Variants in KAT6B observed in about 807,000 individuals in gnomAD.
The protein encoded by KAT6B is lysine acetyltransferase 6B, also known as histone acetyltransferase KAT6B.
KAT6B carries 10 observed loss-of-function variants against 187.5 expected under a neutral mutation model. That is an observed-to-expected ratio of 0.05 (90% CI 0.03 to 0.09). The LOEUF (loss-of-function observed/expected upper bound fraction) is 0.09, where lower values mean the gene tolerates loss of function less well. Among genes scored for constraint, KAT6B ranks in the 10% least tolerant of loss-of-function variants. KAT6B has a pLI of 1.00. For synonymous variants in KAT6B, 861 were observed against 926.8 expected (o/e 0.93, Z 1.29); for missense variants, 1,952 against 2,558.9 (o/e 0.76, Z 5.12).
chr10:75,016,720 A>G (rs568816998), intron 13 of KAT6B, among the ~76,000 whole-genome samples: 2 of 152,350 alleles, frequency 1.3e-5, no homozygotes, highest in African/African-American at 4.8e-5. Flanking sequence ...AGGTTTCTCC[A>G]GGGAGAGCTG....
Position 74,976,204 on chromosome 10 carries a change from A to G in KAT6B, c.1867A>G (p.Thr623Ala). Residue 623 changes from threonine (T) to alanine (A), a missense_variant, in exon 8 of 18, where the codon ACA becomes GCA. Physicochemically the swap from Thr to Ala is moderately conservative, Grantham distance 58. Coordinates refer to ENST00000287239, the MANE Select transcript of KAT6B (RefSeq NM_012330.4). ...IFKAIAHFKR[T>A]TFLKKHRMLG... is the part of the protein sequence containing the mutation. ...TAAAGCAATTGCTCACTTCAAGCGA[A>G]CAACTTTCCTTAAAAAGCACAGGAT... 6.2e-7 allele frequency: 1 copy of G among 1,614,180 alleles called. No homozygotes were observed. The highest frequency in any genetic ancestry group is 8.5e-7 in the Non-Finnish European group (1 of 1,180,018).
intron 3 of KAT6B, among the ~76,000 whole-genome samples, chr10:74,847,217 T>A (rs1225184356): frequency 6.6e-6 from 1 of 152,242 alleles, no homozygotes; most frequent in Non-Finnish European, 1.5e-5. Flanking sequence ...CATGCTATAA[T>A]GAGGAAAGCT....
intron 1 of KAT6B, among the ~76,000 whole-genome samples, chr10:74,829,539 A>G (rs1318150003): frequency 6.8e-6 from 1 of 147,864 alleles, no homozygotes; most frequent in East Asian, 2.0e-4. Context: ...TGCAACCTCC[A>G]CCTCCTGGAT....
chr10:74,828,023 C>A (rs1458859306), intron 1 of KAT6B, among the ~76,000 whole-genome samples: 4 of 152,002 alleles, frequency 2.6e-5, no homozygotes, highest in Admixed American at 2.6e-4. Flanking sequence ...AGCAGGGTAT[C>A]CCAGGAAGAG....
At chr10:74,989,188 T>C in intron 13 of KAT6B, 76 bp downstream of exon 13, 2 of 1,018,696 alleles carry the variant, frequency 2.0e-6, no homozygotes, top group Non-Finnish European at 3.1e-6. Flanking sequence ...AATATAAAAC[T>C]TTATTTAACC....
intron 3 of KAT6B, among the ~76,000 whole-genome samples, chr10:74,898,094 A>T: frequency 6.6e-6 from 1 of 152,226 alleles, no homozygotes. Context: ...TTAAAAAAAA[A>T]ACAGCAACAA....
Position 75,022,147 on chromosome 10 carries a change from G to A in KAT6B, c.3288G>A (p.Glu1096=), listed in dbSNP as rs12240773. 2 of 1,605,888 alleles carry A rather than the reference G, an allele frequency of 1.2e-6. No homozygotes were observed. Among genetic ancestry groups the A allele is most frequent in the Non-Finnish European group, 1.7e-6 (2 of 1,175,262 alleles). The change falls in exon 16 of 18, where the codon GAG becomes GAA. Residue 1096 remains glutamate (E), a synonymous_variant. Transcript: ENST00000287239. ...AAGAGGATGAAGAGGAGGAAGAAGAGGAAGAAGAAGAAGAAGAAGAAGAAA... is the reference window on the plus strand; with the variant it reads ...AAGAGGATGAAGAGGAGGAAGAAGAAGAAGAAGAAGAAGAAGAAGAAGAAA... The part of the protein sequence containing the change: ...EEEEDEEEEE[E]EEEEEEEENI...
chr10:74,847,087 G>T (rs929893959), intron 3 of KAT6B, among the ~76,000 whole-genome samples: 1 of 152,108 alleles, frequency 6.6e-6, no homozygotes, highest in East Asian at 1.9e-4. Flanking sequence ...AGTATTTTTA[G>T]TCTAAAGGAA....
chr10:74,899,290 T>TA (rs1846215955), intron 3 of KAT6B, among the ~76,000 whole-genome samples: 5 of 147,180 alleles, frequency 3.4e-5, no homozygotes, highest in Non-Finnish European at 7.4e-5. Context: ...TTATTATTAT[T>TA]TGAGACGGAG....
At chr10:74,977,192 T>A in intron 8 of KAT6B, 124 bp from the exon 9 acceptor site, 1 of 965,258 alleles carries the variant, frequency 1.0e-6, no homozygotes, top group Non-Finnish European at 1.6e-6. Context: ...AAAAGCTTAT[T>A]TATAAAGCTT....
At chr10:74,975,364 T>C (rs1420965882) in intron 7 of KAT6B, 35 bp from the exon 8 acceptor site, 1 of 1,565,534 alleles carries the variant, frequency 6.4e-7, no homozygotes, top group South Asian at 1.1e-5. Flanking sequence ...TTCTATTTAT[T>C]AAATGCTGAT....
chr10:74,933,417 A>G (rs565984695), intron 3 of KAT6B, among the ~76,000 whole-genome samples: 4 of 152,246 alleles, frequency 2.6e-5, no homozygotes, highest in East Asian at 3.9e-4. Context: ...ATGGGTTTTG[A>G]GTTTGAGTAG....
At chr10:74,934,553 C>T (rs1336461827) in intron 3 of KAT6B, among the ~76,000 whole-genome samples, 2 of 152,142 alleles carry the variant, frequency 1.3e-5, no homozygotes, top group Non-Finnish European at 2.9e-5. Context: ...TGGCTGTTCA[C>T]GCCACACATC....
At position 74,842,923 on chromosome 10, in the gene KAT6B, G is replaced by C. The variant is rs748479485; in HGVS notation, c.66G>C (p.Lys22Asn). ...WILEAIQKIK[K>N]QKQRPSEERI... ...TTGAAGCTATACAGAAAATAAAAAA[G>C]CAAAAGCAAAGGCCCTCTGAAGAGA... The change falls in exon 3 of 18, where the codon AAG becomes AAC. Residue 22 changes from lysine to asparagine, a missense_variant. This residue lies in a region of KAT6B where 218 missense variants were observed against 282.6 expected (regional missense o/e 0.77). Transcript: ENST00000287239. 2 of 1,613,996 alleles carry C rather than the reference G, an allele frequency of 1.2e-6. No homozygotes were observed. Among genetic ancestry groups the C allele is most frequent in the African/African-American group, 2.7e-5 (2 of 74,906 alleles).
chr10:74,977,425 A>G lies in KAT6B; in HGVS notation c.2103A>G (p.Glu701=), dbSNP rs1485295625. Reference sequence around the variant, plus strand: ...TGGATGTTTTTAAGCAGGCCCAGGAACTTTCTTGGGAGGTAAGGCGAGGAT... The same window carrying G: ...TGGATGTTTTTAAGCAGGCCCAGGAGCTTTCTTGGGAGGTAAGGCGAGGAT... ...EDLDVFKQAQ[E]LSWEKIECES... Residue 701 remains glutamate (E), a synonymous_variant, in exon 9 of 18, where the codon GAA becomes GAG. Coordinates refer to ENST00000287239, the MANE Select transcript of KAT6B (RefSeq NM_012330.4). The G allele has an allele frequency of 1.2e-6, 2 of 1,613,720 alleles. No individual in the cohort carries two copies. The highest frequency in any genetic ancestry group is 1.7e-6 in the Non-Finnish European group (2 of 1,179,796).
chr10:75,003,938 A>G (rs1037495836), intron 13 of KAT6B, among the ~76,000 whole-genome samples: 4 of 152,222 alleles, frequency 2.6e-5, no homozygotes, highest in African/African-American at 9.7e-5. Context: ...CATTGCCTCA[A>G]TGAAAACATT....
chr10:74,959,597 C>T (rs2133512883), intron 3 of KAT6B, among the ~76,000 whole-genome samples: 1 of 152,254 alleles, frequency 6.6e-6, no homozygotes, highest in East Asian at 1.9e-4. Context: ...CGAGACCATC[C>T]TGGCCAACAT....
At chr10:74,858,200 C>G (rs911761711) in intron 3 of KAT6B, among the ~76,000 whole-genome samples, 3 of 151,692 alleles carry the variant, frequency 2.0e-5, no homozygotes, top group African/African-American at 7.3e-5. Flanking sequence ...CTTCATGTCC[C>G]TTTACTCACT....
chr10:74,858,697 G>A (rs1271125924), intron 3 of KAT6B, among the ~76,000 whole-genome samples: 3 of 152,134 alleles, frequency 2.0e-5, no homozygotes, highest in East Asian at 3.9e-4. Context: ...GCTCATGCCT[G>A]TAATCCCAGC....
Sources: gnomAD v4.1 joint callset for allele counts (sites outside exome capture counted in the v4.1 genomes callset) on GRCh38, gnomAD v4.1.1 for gene constraint, gnomAD v4.1.1 regional missense constraint, MANE v1.5 for transcripts, NCBI Gene and HGNC (gene_info 2026-07-23, HGNC 2026-07-21) for gene names.